Variants in SCHIP1 observed in about 807,000 individuals in gnomAD.
The protein encoded by SCHIP1 is schwannomin interacting protein 1.
In SCHIP1, 8 loss-of-function variants were observed where a neutral mutation model predicts 29.7. The ratio of observed to expected loss-of-function variants is 0.27; its 90% CI spans 0.16 to 0.49. SCHIP1 has a LOEUF of 0.49. SCHIP1 is among the 20% of genes least tolerant of loss of function. The pLI, the probability that SCHIP1 is intolerant of heterozygous loss-of-function variation, is 0.99. For synonymous variants in SCHIP1, 76 were observed against 94.9 expected (o/e 0.80, Z 1.16); for missense variants, 193 against 294.6 (o/e 0.66, Z 2.52).
chr3:159,874,434 A>G (rs1298851470), intron 2 of SCHIP1, among the ~76,000 whole-genome samples: 1 of 152,206 alleles, frequency 6.6e-6, no homozygotes, highest in Non-Finnish European at 1.5e-5. Context: ...TTTATTGGTA[A>G]ATGGCTGAGA....
At chr3:159,864,936 C>G (rs1023589794) in intron 1 of SCHIP1, among the ~76,000 whole-genome samples, 36 of 152,198 alleles carry the variant, frequency 2.4e-4, no homozygotes, top group African/African-American at 8.4e-4. Flanking sequence ...CAAATAACCA[C>G]ATGACACTAG....
At chr3:159,344,690 C>T in the SCHIP1 span, among the ~76,000 whole-genome samples, 4,801 of 152,236 alleles carry the variant, frequency 0.032, 275 homozygotes, top group African/African-American at 0.11. Context: ...CCTAAATAAA[C>T]ATGGTAACTA....
the SCHIP1 span, among the ~76,000 whole-genome samples, chr3:159,683,732 G>A: frequency 6.6e-6 from 1 of 152,328 alleles, no homozygotes; most frequent in East Asian, 1.9e-4. Flanking sequence ...GGGAGACAGG[G>A]TGGGAGATGG....
chr3:159,515,011 C>T, the SCHIP1 span, among the ~76,000 whole-genome samples: 1 of 152,096 alleles, frequency 6.6e-6, no homozygotes, highest in African/African-American at 2.4e-5. Flanking sequence ...TCCAGTGTAT[C>T]AGGAAATCCT....
the SCHIP1 span, among the ~76,000 whole-genome samples, chr3:159,536,011 T>C: frequency 1.3e-5 from 2 of 152,176 alleles, no homozygotes; most frequent in Non-Finnish European, 2.9e-5. Flanking sequence ...TAAAATTAAA[T>C]CATTTAAAGT....
chr3:159,341,244 C>G, the SCHIP1 span, among the ~76,000 whole-genome samples: 2 of 151,024 alleles, frequency 1.3e-5, no homozygotes, highest in Admixed American at 1.3e-4. Context: ...GCCCTATGCT[C>G]TCTGAAGACC....
At chr3:159,764,874 C>T in the SCHIP1 span, 11 of 1,579,774 alleles carry the variant, frequency 7.0e-6, no homozygotes, top group African/African-American at 1.2e-4. The surrounding 1 kb of genome is among the most constrained non-coding windows in gnomAD (Gnocchi z 6.1). Flanking sequence ...ACAATGGCAA[C>T]GTGGTGGTGG....
the SCHIP1 span, among the ~76,000 whole-genome samples, chr3:159,491,621 G>A: frequency 1.3e-5 from 2 of 152,252 alleles, no homozygotes; most frequent in Non-Finnish European, 2.9e-5. Context: ...TTCGAACTGG[G>A]TGGAGCCCAC....
At chr3:159,619,858 T>A in the SCHIP1 span, among the ~76,000 whole-genome samples, 1 of 152,224 alleles carries the variant, frequency 6.6e-6, no homozygotes, top group Admixed American at 6.5e-5. Flanking sequence ...GCTTGGTATT[T>A]GCCTTATCAT....
the SCHIP1 span, among the ~76,000 whole-genome samples, chr3:159,517,619 T>C: frequency 6.6e-6 from 1 of 152,102 alleles, no homozygotes; most frequent in Non-Finnish European, 1.5e-5. Context: ...TTTTCTAATC[T>C]GCTTAAAAAT....
At chr3:159,636,379 A>G in the SCHIP1 span, among the ~76,000 whole-genome samples, 2 of 152,228 alleles carry the variant, frequency 1.3e-5, no homozygotes, top group Admixed American at 6.5e-5. Flanking sequence ...TTAAATTAAT[A>G]CAAGAGAATC....
the SCHIP1 span, among the ~76,000 whole-genome samples, chr3:159,526,343 A>AT: frequency 6.6e-6 from 1 of 151,474 alleles, no homozygotes; most frequent in Non-Finnish European, 1.5e-5. Flanking sequence ...TAATTTTTTT[A>AT]TTTTTTGTAG....
chr3:159,471,698 A>C, the SCHIP1 span, among the ~76,000 whole-genome samples: 2 of 152,172 alleles, frequency 1.3e-5, no homozygotes, highest in African/African-American at 4.8e-5. Flanking sequence ...TTAACAAGAA[A>C]ACATTAAAAC....
chr3:159,616,290 C>T, the SCHIP1 span, among the ~76,000 whole-genome samples: 3 of 152,058 alleles, frequency 2.0e-5, no homozygotes, highest in African/African-American at 7.2e-5. Context: ...TTAGTAGAGA[C>T]GGGGCTTCAC....
chr3:159,287,604 C>T, the SCHIP1 span, among the ~76,000 whole-genome samples: 5 of 151,746 alleles, frequency 3.3e-5, no homozygotes, highest in East Asian at 5.8e-4. Context: ...AAATTTATAC[C>T]GCATTGCTAT....
the SCHIP1 span, among the ~76,000 whole-genome samples, chr3:159,416,233 T>A: frequency 6.6e-6 from 1 of 152,224 alleles, no homozygotes; most frequent in African/African-American, 2.4e-5. Flanking sequence ...ACTATTTGAG[T>A]CTCAGAGCAA....
chr3:159,444,106 G>A, the SCHIP1 span, among the ~76,000 whole-genome samples: 3 of 152,084 alleles, frequency 2.0e-5, no homozygotes, highest in African/African-American at 2.4e-5. Flanking sequence ...GTGGTGAAGC[G>A]AGATGGGAAG....
chr3:159,664,458 T>C, the SCHIP1 span, among the ~76,000 whole-genome samples: 3 of 148,486 alleles, frequency 2.0e-5, no homozygotes, highest in Non-Finnish European at 4.4e-5. Flanking sequence ...TGAACAGCCA[T>C]AGTTTTTTTT....
At chr3:159,427,347 CAA>C in the SCHIP1 span, among the ~76,000 whole-genome samples, 3 of 151,806 alleles carry the variant, frequency 2.0e-5, no homozygotes, top group African/African-American at 7.3e-5. Context: ...GCAACTTCAG[CAA>C]AGTCTCAGGA....
Sources: gnomAD v4.1 joint callset for allele counts (sites outside exome capture counted in the v4.1 genomes callset) on GRCh38, gnomAD v4.1.1 for gene constraint, Gnocchi (gnomAD v3.1) non-coding constraint, MANE v1.5 for transcripts, NCBI Gene and HGNC (gene_info 2026-07-23, HGNC 2026-07-21) for gene names.